Variants in STXBP5L observed in about 807,000 individuals in gnomAD.
STXBP5L encodes syntaxin-binding protein 5-like.
A neutral mutation model predicts 144.5 loss-of-function variants in STXBP5L; 65 were observed. The ratio of observed to expected loss-of-function variants is 0.45; its 90% CI spans 0.37 to 0.55. The LOEUF is 0.55. Among genes scored for constraint, STXBP5L ranks in the 20% least tolerant of loss-of-function variants. The probability of loss-of-function intolerance (pLI) is 0.00; values close to 1 mark genes in which losing one functional copy is unlikely to be tolerated. For missense variants in STXBP5L, 1,298 were observed against 1,405.5 expected (o/e 0.92, Z 1.22); for synonymous variants, 505 against 469.6 (o/e 1.08, Z -0.97).
chr3:121,015,329 T>C (rs1164877884), intron 3 of STXBP5L, among the ~76,000 whole-genome samples: 1 of 152,176 alleles, frequency 6.6e-6, no homozygotes, highest in Non-Finnish European at 1.5e-5. Flanking sequence ...ACTCCCATTC[T>C]TAAAACAATA....
intron 2 of STXBP5L, among the ~76,000 whole-genome samples, chr3:120,948,807 A>G (rs1022440816): frequency 1.3e-5 from 2 of 151,836 alleles, no homozygotes; most frequent in Non-Finnish European, 2.9e-5. Flanking sequence ...TCATTGGTTG[A>G]TGGGCATTTA....
chr3:121,077,043 C>T (rs930079369), intron 5 of STXBP5L, among the ~76,000 whole-genome samples: 1 of 152,160 alleles, frequency 6.6e-6, no homozygotes, highest in Non-Finnish European at 1.5e-5. Context: ...TCTGTGCCTC[C>T]CAGCGTCACG....
At chr3:121,015,175 G>T (rs1945054853) in intron 3 of STXBP5L, among the ~76,000 whole-genome samples, 1 of 152,056 alleles carries the variant, frequency 6.6e-6, no homozygotes, top group Non-Finnish European at 1.5e-5. Flanking sequence ...TTGACAAGGT[G>T]ATTTAAAACT....
chr3:121,333,065 A>T (rs568589766), intron 20 of STXBP5L, among the ~76,000 whole-genome samples: 4 of 151,630 alleles, frequency 2.6e-5, no homozygotes, highest in African/African-American at 7.2e-5. Context: ...CCAGCCCTAT[A>T]AAAAAAATGC....
chr3:121,224,234 G>T (rs1245122047), intron 11 of STXBP5L, among the ~76,000 whole-genome samples: 1 of 152,068 alleles, frequency 6.6e-6, no homozygotes, highest in Non-Finnish European at 1.5e-5. Context: ...CTACTGGAAG[G>T]TTAAGTGAGC....
intron 18 of STXBP5L, among the ~76,000 whole-genome samples, chr3:121,265,417 G>C (rs2050529590): frequency 6.6e-6 from 1 of 152,132 alleles, no homozygotes; most frequent in Non-Finnish European, 1.5e-5. Flanking sequence ...TAAGCTCTTT[G>C]AAACCAATGA....
intron 5 of STXBP5L, among the ~76,000 whole-genome samples, chr3:121,089,809 T>G (rs1442861301): frequency 6.6e-6 from 1 of 152,076 alleles, no homozygotes; most frequent in Non-Finnish European, 1.5e-5. Context: ...TAAATATTAT[T>G]ACATCCTCTA....
At chr3:121,349,852 C>A (rs1369171088) in intron 20 of STXBP5L, among the ~76,000 whole-genome samples, 1 of 152,032 alleles carries the variant, frequency 6.6e-6, no homozygotes, top group Non-Finnish European at 1.5e-5. Flanking sequence ...CTATGTCTGT[C>A]TCTGCATGTG....
chr3:120,995,914 T>G (rs1244000218), intron 3 of STXBP5L, among the ~76,000 whole-genome samples: 1 of 152,132 alleles, frequency 6.6e-6, no homozygotes, highest in Non-Finnish European at 1.5e-5. Context: ...CTGGGGAAAT[T>G]CCTTTAGCCA....
At chr3:121,019,725 G>A (rs139067398) in intron 3 of STXBP5L, among the ~76,000 whole-genome samples, 70 of 152,274 alleles carry the variant, frequency 4.6e-4, no homozygotes, top group African/African-American at 1.5e-3. Flanking sequence ...AGAAAGTGGA[G>A]AGCACCACAT....
intron 20 of STXBP5L, among the ~76,000 whole-genome samples, chr3:121,342,024 T>G (rs565006195): frequency 6.6e-6 from 1 of 152,246 alleles, no homozygotes; most frequent in South Asian, 2.1e-4. Context: ...GAAGGGTAAT[T>G]GCTTGATGTG....
chr3:121,134,093 GA>G (rs894482042), intron 7 of STXBP5L, among the ~76,000 whole-genome samples: 1 of 152,094 alleles, frequency 6.6e-6, no homozygotes, highest in Non-Finnish European at 1.5e-5. Flanking sequence ...AATTCATAAA[GA>G]AAAGGAATTT....
At chr3:121,078,403 C>A (rs1475694376) in intron 5 of STXBP5L, among the ~76,000 whole-genome samples, 1 of 152,232 alleles carries the variant, frequency 6.6e-6, no homozygotes, top group African/African-American at 2.4e-5. Flanking sequence ...GGTGTGTTTA[C>A]AATCCCTTAG....
intron 3 of STXBP5L, among the ~76,000 whole-genome samples, chr3:120,994,298 G>T (rs1462210926): frequency 1.3e-5 from 2 of 151,922 alleles, no homozygotes; most frequent in African/African-American, 2.4e-5. Context: ...CTGCCTAATT[G>T]CTCTGGCTAG....
At chr3:121,082,279 T>C (rs1337837854) in intron 5 of STXBP5L, among the ~76,000 whole-genome samples, 2 of 151,262 alleles carry the variant, frequency 1.3e-5, no homozygotes, top group Non-Finnish European at 2.9e-5. Context: ...ACTTAGATCT[T>C]CTTTGATTTC....
intron 7 of STXBP5L, among the ~76,000 whole-genome samples, chr3:121,126,764 A>G (rs949247909): frequency 4.6e-5 from 7 of 152,208 alleles, no homozygotes; most frequent in Non-Finnish European, 7.4e-5. Context: ...AGTTCAACAC[A>G]GGTCTCACTG....
chr3:120,970,821 A>G (rs113615145), intron 3 of STXBP5L, among the ~76,000 whole-genome samples: 2,932 of 152,102 alleles, frequency 0.019, 89 homozygotes, highest in African/African-American at 0.066. Context: ...TTCTAGGGGA[A>G]CTTATATTGA....
At chr3:121,285,495 C>G (rs1383543013) in intron 19 of STXBP5L, among the ~76,000 whole-genome samples, 1 of 152,032 alleles carries the variant, frequency 6.6e-6, no homozygotes, top group East Asian at 1.9e-4. Context: ...ATCAATGACT[C>G]TTTTACTGGT....
At chr3:121,038,844 C>A (rs1041204837) in intron 3 of STXBP5L, among the ~76,000 whole-genome samples, 2 of 151,676 alleles carry the variant, frequency 1.3e-5, no homozygotes, top group Non-Finnish European at 3.0e-5. Flanking sequence ...GAAGTGACCA[C>A]CTTTAACCCC....
Sources: gnomAD v4.1 joint callset for allele counts (sites outside exome capture counted in the v4.1 genomes callset) on GRCh38, gnomAD v4.1.1 for gene constraint, MANE v1.5 for transcripts, NCBI Gene and HGNC (gene_info 2026-07-23, HGNC 2026-07-21) for gene names.